GADD45B: variants seen among roughly 807,000 people sequenced by gnomAD.
GADD45B encodes growth arrest and DNA damage inducible beta.
In GADD45B, 8 loss-of-function variants were observed where a neutral mutation model predicts 15.2. The observed-to-expected ratio is 0.53, with a 90% CI of 0.31 to 0.95. The LOEUF (loss-of-function observed/expected upper bound fraction) is 0.95. Among genes scored for constraint, GADD45B ranks in the 40% least tolerant of loss-of-function variants. The pLI, the probability that GADD45B is intolerant of heterozygous loss-of-function variation, is 0.05. For missense variants in GADD45B, 162 were observed against 216.6 expected (o/e 0.75, Z 1.58); for synonymous variants, 100 against 89.8 (o/e 1.11, Z -0.64).
Position 2,476,913 on chromosome 19 carries a change from C to T in GADD45B, c.147-116C>T, listed in dbSNP as rs1972324486. 4 of 685,594 alleles carry T rather than the reference C, an allele frequency of 5.8e-6. No homozygotes were observed. In the Admixed American group the frequency reaches 9.7e-5, roughly 17 times the overall value. 42.5% of individuals were successfully genotyped at this position (685,594 alleles called of 1,614,324 possible). On this transcript the variant is annotated intron_variant, in intron 2 of 3. Transcript: ENST00000215631. ...GTCACCAGCTTGCAGAGGCAATCCC[C>T]TGCACCCTTGCAGTTTCTCTTTTGC... is the stretch of plus-strand genomic sequence containing the variant.
Position 2,476,947 on chromosome 19 carries a change from G to C in GADD45B, c.147-82G>C, listed in dbSNP as rs575389843. On this transcript the variant is annotated intron_variant, in intron 2 of 3. Transcript: ENST00000215631. ...TGCAGTTTCTCTTTTGCTCTTGCAC[G>C]CTCCTTTTTTGCAAACTCCCCCTGC... is the stretch of plus-strand genomic sequence containing the variant. The C allele has an allele frequency of 9.3e-6, 8 of 859,602 alleles. No individual in the cohort carries two copies. The Admixed American group carries it at 1.3e-4, about 14-fold the overall frequency. 53.2% of individuals were successfully genotyped at this position (859,602 alleles called of 1,614,324 possible). A position where few individuals can be genotyped will look rare whatever the true frequency, so the allele number is the denominator to read the frequency against.
In GADD45B at chr19:2,477,728, A is replaced by G. The variant is rs1972340362; in HGVS notation, c.*127A>G. 1.8e-6 allele frequency: 1 copy of G among 541,162 alleles called. No homozygotes were observed. Among genetic ancestry groups the G allele is most frequent in the East Asian group, 3.4e-5 (1 of 29,702 alleles). The allele number at this position is 541,162 out of a possible 1,614,324, so 33.5% of individuals were successfully genotyped here. A position where few individuals can be genotyped will look rare whatever the true frequency, so the allele number is the denominator to read the frequency against. On this transcript the variant is annotated 3_prime_UTR_variant, in exon 4 of 4. Transcript: ENST00000215631. The surrounding 1 kb of genome is among the most constrained non-coding windows in gnomAD (Gnocchi z 4.2). The stretch of plus-strand genomic sequence containing the variant: ...CCAACCCACGAGGACCATCGGGGGC[A>G]GAGTCGTTGGAGACTGAAGAGGAAG...
In GADD45B at chr19:2,476,246, T is replaced by C. The variant is rs150997384; in HGVS notation, c.-113T>C. On this transcript the variant is annotated 5_prime_UTR_variant, in exon 1 of 4. Coordinates refer to ENST00000215631, the MANE Select transcript of GADD45B (RefSeq NM_015675.4). ...AGGATTTCGCTGCTTCCCGAAGGTC[T>C]TGGACGAGCGCTCTAGCTCTGTGGG... 237 of 987,622 alleles carry C rather than the reference T, an allele frequency of 2.4e-4. No homozygotes were observed. The African/African-American group carries it at 3.3e-3, about 14-fold the overall frequency. 61.2% of individuals were successfully genotyped at this position (987,622 alleles called of 1,614,324 possible). A position where few individuals can be genotyped will look rare whatever the true frequency, so the allele number is the denominator to read the frequency against.
Position 2,477,767 on chromosome 19 carries a change from G to A in GADD45B, c.*166G>A. 2.1e-6 allele frequency: 1 copy of A among 484,148 alleles called. No individual in the cohort carries two copies. Among genetic ancestry groups the A allele is most frequent in the Non-Finnish European group, 3.7e-6 (1 of 268,448 alleles). 30.0% of individuals were successfully genotyped at this position (484,148 alleles called of 1,614,324 possible). On this transcript the variant is annotated 3_prime_UTR_variant, in exon 4 of 4. Transcript: ENST00000215631. This position sits in a 1 kb window ranked among gnomAD's most constrained non-coding sequence, Gnocchi z 4.2. ...CTGAAGAGGAAGAGGAGGAGGAGAA[G>A]GGGAGTGAGCGGCCGCCCCCAGGGC... is the stretch of plus-strand genomic sequence containing the variant.
Position 2,476,598 on chromosome 19 carries a change from G to A in GADD45B, c.114G>A (p.Val38=). Residue 38 remains valine (V), a synonymous_variant, in exon 2 of 4, where the codon GTG becomes GTA. Coordinates refer to ENST00000215631, the MANE Select transcript of GADD45B (RefSeq NM_015675.4). ...CTCAGCGCCAGGATCGCCTCACAGTGGGGGTGTACGAGTCGGCCAAGTTGA... is the reference window on the plus strand; with the variant it reads ...CTCAGCGCCAGGATCGCCTCACAGTAGGGGTGTACGAGTCGGCCAAGTTGA... The part of the protein sequence containing the change: ...VAAQRQDRLT[V]GVYESAKLMN... 2 of 1,590,994 alleles carry A rather than the reference G, an allele frequency of 1.3e-6. No individual in the cohort carries two copies. The highest frequency in any genetic ancestry group is 1.7e-6 in the Non-Finnish European group (2 of 1,166,320).
At position 2,476,598 on chromosome 19, in the gene GADD45B, G is replaced by C. The variant is rs753186019; in HGVS notation, c.114G>C (p.Val38=). 1.3e-6 allele frequency: 2 copies of C among 1,590,876 alleles called. No individual in the cohort carries two copies. Among genetic ancestry groups the C allele is most frequent in the African/African-American group, 1.3e-5 (1 of 74,292 alleles). The change falls in exon 2 of 4, where the codon GTG becomes GTC. Residue 38 remains valine (V), a synonymous_variant. Transcript: ENST00000215631. ...CTCAGCGCCAGGATCGCCTCACAGT[G>C]GGGGTGTACGAGTCGGCCAAGTTGA... ...VAAQRQDRLT[V]GVYESAKLMN... is the part of the protein sequence containing the mutation.
rs1599353173 is a variant in GADD45B, at chr19:2,476,146, C to T, written c.-213C>T. On this transcript the variant is annotated 5_prime_UTR_variant, in exon 1 of 4. Coordinates refer to ENST00000215631, the MANE Select transcript of GADD45B (RefSeq NM_015675.4). ...CAGCTCAGATCGCCGAAGCGTCGGA[C>T]TACCGTTGGTTTCCGCAACTTCCTG... is the stretch of plus-strand genomic sequence containing the variant. 3 of 606,810 alleles carry T rather than the reference C, an allele frequency of 4.9e-6. No homozygotes were observed. Among genetic ancestry groups the T allele is most frequent in the African/African-American group, 3.7e-5 (2 of 54,034 alleles). 37.6% of individuals were successfully genotyped at this position (606,810 alleles called of 1,614,324 possible).
At position 2,476,217 on chromosome 19, in the gene GADD45B, T is replaced by A; in HGVS notation, c.-142T>A. 1.2e-6 allele frequency: 1 copy of A among 800,098 alleles called. No homozygotes were observed. The highest frequency in any genetic ancestry group is 2.1e-6 in the Non-Finnish European group (1 of 465,878). The allele number at this position is 800,098 out of a possible 1,614,324, so 49.6% of individuals were successfully genotyped here. A position where few individuals can be genotyped will look rare whatever the true frequency, so the allele number is the denominator to read the frequency against. ...TTGCAATATATTTTTCCGCCTTTTC[T>A]GGAAGGATTTCGCTGCTTCCCGAAG... On this transcript the variant is annotated 5_prime_UTR_variant, in exon 1 of 4. Coordinates refer to ENST00000215631, the MANE Select transcript of GADD45B (RefSeq NM_015675.4).
chr19:2,476,357 A>C lies in GADD45B; in HGVS notation c.-2A>C, dbSNP rs562360022. 1.2e-6 allele frequency: 2 copies of C among 1,613,880 alleles called. No homozygotes were observed. Among genetic ancestry groups the C allele is most frequent in the South Asian group, 1.1e-5 (1 of 91,090 alleles). ...GCATCCACTGTGGATTATAATTGCA[A>C]CATGACGCTGGAAGAGCTCGTGGCG... On this transcript the variant is annotated 5_prime_UTR_variant, in exon 1 of 4. Coordinates refer to ENST00000215631, the MANE Select transcript of GADD45B (RefSeq NM_015675.4).
chr19:2,476,998 C>G (rs1447885261), intron 2 of GADD45B, 31 bp from the exon 3 acceptor site: 3 of 1,488,418 alleles, frequency 2.0e-6, no homozygotes, highest in African/African-American at 1.4e-5. Context: ...CTGTCCCCGG[C>G]TGACCCATCC....
intron 2 of GADD45B, 145 bp downstream of exon 2, chr19:2,476,775 T>G: frequency 1.6e-6 from 1 of 631,398 alleles, no homozygotes; most frequent in South Asian, 2.0e-5. Context: ...TCTGCCGTTT[T>G]GTGGATCGGG....
At position 2,477,606 on chromosome 19, in the gene GADD45B, C is replaced by CT. The variant is rs1568217684; in HGVS notation, c.*7dup. On this transcript the variant is annotated 3_prime_UTR_variant, in exon 4 of 4. Transcript: ENST00000215631. This position sits in a 1 kb window ranked among gnomAD's most constrained non-coding sequence, Gnocchi z 4.2. ...ATCTCTCTTCAGGAACGCTGAGGCC[C>CT]TTCCCAGCAGCAGAATCTGTTGAGT... The CT allele has an allele frequency of 1.3e-6, 2 of 1,508,300 alleles. No individual in the cohort carries two copies. The highest frequency in any genetic ancestry group is 2.3e-5 in the South Asian group (2 of 88,880). The allele number at this position is 1,508,300 out of a possible 1,614,324, so 93.4% of individuals were successfully genotyped here.
rs1247959611 is a variant in GADD45B, at chr19:2,477,810, C to T, written c.*209C>T. ...CCCAGGGCGGAGATCCAGGAGCTGG[C>T]GGCCGCCGATCCGATGGAGAAGGGG... On this transcript the variant is annotated 3_prime_UTR_variant, in exon 4 of 4. Transcript: ENST00000215631. This position sits in a 1 kb window ranked among gnomAD's most constrained non-coding sequence, Gnocchi z 4.2. 1.2e-5 allele frequency: 5 copies of T among 426,576 alleles called. No homozygotes were observed. Among genetic ancestry groups the T allele is most frequent in the Non-Finnish European group, 2.2e-5 (5 of 232,198 alleles). 26.4% of individuals were successfully genotyped at this position (426,576 alleles called of 1,614,324 possible).
Position 2,477,121 on chromosome 19 carries a change from C to G in GADD45B, c.239C>G (p.Ser80Cys). ...CAAATCCACTTCACGCTCATCCAGT[C>G]CTTCTGCTGTGACAACGACATCAAC... Reference protein sequence around the residue: ...ALQIHFTLIQSFCCDNDINIV... With the variant: ...ALQIHFTLIQCFCCDNDINIV... The change falls in exon 3 of 4, where the codon TCC becomes TGC. Residue 80 changes from serine (S) to cysteine (C), a missense_variant. Coordinates refer to ENST00000215631, the MANE Select transcript of GADD45B (RefSeq NM_015675.4). This position sits in a 1 kb window ranked among gnomAD's most constrained non-coding sequence, Gnocchi z 4.2. 6.2e-7 allele frequency: 1 copy of G among 1,613,882 alleles called. No homozygotes were observed. The highest frequency in any genetic ancestry group is 8.5e-7 in the Non-Finnish European group (1 of 1,179,864).
At position 2,477,507 on chromosome 19, in the gene GADD45B, G is replaced by A; in HGVS notation, c.389G>A (p.Trp130Ter). ...LLVTNPHTDA[W>*]KSHGLVEVAS... ...CTACAGAACCCTCACACGGACGCCT[G>A]GAAGAGCCACGGCTTGGTGGAGGTG... is the stretch of plus-strand genomic sequence containing the variant. Residue 130 changes from tryptophan (W) to a stop codon, truncating the protein, a stop_gained, in exon 4 of 4, where the codon TGG becomes TAG. Transcript: ENST00000215631. LOFTEE classifies it high-confidence loss of function. This position sits in a 1 kb window ranked among gnomAD's most constrained non-coding sequence, Gnocchi z 4.2. 6.2e-7 allele frequency: 1 copy of A among 1,613,118 alleles called. No individual in the cohort carries two copies. The highest frequency in any genetic ancestry group is 1.1e-5 in the South Asian group (1 of 91,036).
chr19:2,478,012 G>A lies in GADD45B; in HGVS notation c.*411G>A, dbSNP rs902179467. 5 of 161,882 alleles carry A rather than the reference G, an allele frequency of 3.1e-5. No individual in the cohort carries two copies. The highest frequency in any genetic ancestry group is 1.4e-5 in the Non-Finnish European group (1 of 72,750). The allele number at this position is 161,882 out of a possible 1,614,324, so 10.0% of individuals were successfully genotyped here. On this transcript the variant is annotated 3_prime_UTR_variant, in exon 4 of 4. Coordinates refer to ENST00000215631, the MANE Select transcript of GADD45B (RefSeq NM_015675.4). ...CTCCTTGAGACTGGAGCTGGCGTCT[G>A]CATACGAGAGACTTGGTTGAACTTG...
rs200844942 is a variant in GADD45B, at chr19:2,476,403, G to A, written c.44+1G>A. The A allele has an allele frequency of 7.7e-5, 124 of 1,613,246 alleles. No individual in the cohort carries two copies. Among genetic ancestry groups the A allele is most frequent in the Non-Finnish European group, 1.0e-4 (120 of 1,179,656 alleles). On this transcript the variant is annotated splice_donor_variant, in intron 1 of 3. Coordinates refer to ENST00000215631, the MANE Select transcript of GADD45B (RefSeq NM_015675.4). LOFTEE classifies it high-confidence loss of function. ...TGGCGTGCGACAACGCGGCGCAGAA[G>A]TAAGTAGCCGGGGCTGCCGCCGCCT...
intron 2 of GADD45B, 142 bp from the exon 3 acceptor site, chr19:2,476,887 C>T (rs771801287): frequency 7.9e-6 from 5 of 630,070 alleles, no homozygotes; most frequent in South Asian, 3.8e-5. Flanking sequence ...CTCCCCCCAC[C>T]GTCACCAGCT....
Position 2,477,312 on chromosome 19 carries a change from A to G in GADD45B, c.369+61A>G. The G allele has an allele frequency of 1.6e-6, 2 of 1,268,118 alleles. No homozygotes were observed. Among genetic ancestry groups the G allele is most frequent in the Non-Finnish European group, 1.1e-6 (1 of 919,438 alleles). The allele number at this position is 1,268,118 out of a possible 1,614,324, so 78.6% of individuals were successfully genotyped here. On this transcript the variant is annotated intron_variant, in intron 3 of 3. Transcript: ENST00000215631. This position sits in a 1 kb window ranked among gnomAD's most constrained non-coding sequence, Gnocchi z 4.2. Reference sequence around the variant, plus strand: ...GGCACCTGGGCCGGTGTTTGTCAACAAAGTCGGGCTGACTGGTCCTGCACA... The same window carrying G: ...GGCACCTGGGCCGGTGTTTGTCAACGAAGTCGGGCTGACTGGTCCTGCACA...
Sources: gnomAD v4.1 joint callset for allele counts on GRCh38, gnomAD v4.1.1 for gene constraint, Gnocchi (gnomAD v3.1) non-coding constraint, MANE v1.5 for transcripts, NCBI Gene and HGNC (gene_info 2026-07-23, HGNC 2026-07-21) for gene names.